Variants in TPST1 observed in about 807,000 individuals in gnomAD.
TPST1 encodes protein-tyrosine sulfotransferase 1.
In TPST1, 20 loss-of-function variants were observed where a neutral mutation model predicts 34.8. The ratio of observed to expected loss-of-function variants is 0.57; its 90% CI spans 0.40 to 0.84. The LOEUF (loss-of-function observed/expected upper bound fraction) is 0.84. TPST1 is among the 40% of genes least tolerant of loss of function. The pLI is 0.00. For synonymous variants in TPST1, 152 were observed against 159.4 expected, an observed-to-expected ratio of 0.95 and a Z score of 0.35; for missense variants, 353 against 455.5, an observed-to-expected ratio of 0.78 and a Z score of 2.05.
chr7:66,199,294 C>CTTTTTT, the TPST1 span, among the ~76,000 whole-genome samples: 23 of 125,850 alleles, frequency 1.8e-4, no homozygotes, highest in Non-Finnish European at 1.9e-4. Flanking sequence ...TCATCTCCTT[C>CTTTTTT]TTTTTTTTTT....
intron 1 of TPST1, among the ~76,000 whole-genome samples, chr7:66,237,838 C>A (rs989691258): frequency 2.6e-5 from 4 of 152,126 alleles, no homozygotes; most frequent in Non-Finnish European, 4.4e-5. Context: ...GTTGATGTTG[C>A]AGTCTTGTTC....
chr7:66,328,497 G>A (rs1350826259), intron 3 of TPST1, among the ~76,000 whole-genome samples: 2 of 151,992 alleles, frequency 1.3e-5, no homozygotes, highest in Non-Finnish European at 2.9e-5. Flanking sequence ...AGAATAGGTT[G>A]CTAACCTCTG....
chr7:66,213,941 C>T (rs893002494), intron 1 of TPST1, among the ~76,000 whole-genome samples: 1 of 152,070 alleles, frequency 6.6e-6, no homozygotes, highest in Admixed American at 6.6e-5. Context: ...CATATTTAAA[C>T]TTTATGTTTT....
intron 3 of TPST1, among the ~76,000 whole-genome samples, chr7:66,306,762 G>A (rs1791431247): frequency 6.6e-6 from 1 of 152,130 alleles, no homozygotes; most frequent in Non-Finnish European, 1.5e-5. Flanking sequence ...GCCCAGGCTG[G>A]AGTGCAGTGG....
intron 3 of TPST1, among the ~76,000 whole-genome samples, chr7:66,334,511 C>T: frequency 6.6e-6 from 1 of 151,750 alleles, no homozygotes; most frequent in Non-Finnish European, 1.5e-5. Context: ...TGGTGGGTGC[C>T]TGTAATCCCA....
intron 1 of TPST1, among the ~76,000 whole-genome samples, chr7:66,231,882 G>A (rs1789804820): frequency 6.6e-6 from 1 of 152,264 alleles, no homozygotes; most frequent in South Asian, 2.1e-4. Context: ...TGTGAGGACT[G>A]CCAGCACGCT....
chr7:66,349,345 C>T (rs563176811), intron 3 of TPST1, among the ~76,000 whole-genome samples: 3 of 152,092 alleles, frequency 2.0e-5, no homozygotes, highest in South Asian at 2.1e-4. Context: ...CCGAGGCAGG[C>T]GGATCACCTG....
chr7:66,209,172 C>T (rs1214212609), intron 1 of TPST1, among the ~76,000 whole-genome samples: 1 of 152,080 alleles, frequency 6.6e-6, no homozygotes, highest in African/African-American at 2.4e-5. Flanking sequence ...ACTCAGGAGG[C>T]TGAGGCAGGA....
In TPST1 at chr7:66,339,776, A is replaced by C. The variant is rs371328101; in HGVS notation, c.1045-12729A>C. 3.4e-4 allele frequency among the ~76,000 whole-genome samples: 51 copies of C among 148,896 alleles called. No individual in the cohort carries two copies. In the East Asian group the frequency reaches 4.7e-3, roughly 14 times the overall value. On this transcript the variant is annotated intron_variant, in intron 3 of 5. Transcript: ENST00000304842. ...GAGTGATGAAATAATCTGTACACCA[A>C]GCCTCTGTGACACACAGTTTACCCA...
intron 3 of TPST1, among the ~76,000 whole-genome samples, chr7:66,303,391 G>GTGTATGTATGTATGTATGTATGTATATA (rs6150141): frequency 6.7e-6 from 1 of 150,048 alleles, no homozygotes; most frequent in Non-Finnish European, 1.5e-5. Context: ...ACAGCTGTGT[G>GTGTATGTATGTATGTATGTATGTATATA]TGTATGTATG....
At chr7:66,232,919 A>G (rs1203620017) in intron 1 of TPST1, among the ~76,000 whole-genome samples, 1 of 152,172 alleles carries the variant, frequency 6.6e-6, no homozygotes, top group Non-Finnish European at 1.5e-5. Context: ...GTCAAGTGGT[A>G]TCTCATTGTG....
intron 2 of TPST1, among the ~76,000 whole-genome samples, chr7:66,275,509 C>T (rs184884720): frequency 1.0e-3 from 158 of 152,206 alleles, no homozygotes; most frequent in African/African-American, 3.5e-3. Context: ...AAAGAAAATG[C>T]GGCATACATA....
At chr7:66,280,228 G>A (rs1790905672) in intron 2 of TPST1, among the ~76,000 whole-genome samples, 1 of 152,204 alleles carries the variant, frequency 6.6e-6, no homozygotes, top group Non-Finnish European at 1.5e-5. Flanking sequence ...TCGCACAGTG[G>A]ACGTGGAAGC....
In TPST1 at chr7:66,329,877, G is replaced by C. The variant is rs1791962504; in HGVS notation, c.1045-22628G>C. On this transcript the variant is annotated intron_variant, in intron 3 of 5. Coordinates refer to ENST00000304842, the MANE Select transcript of TPST1 (RefSeq NM_003596.4). ...AACCAAGTACCTCATGTTCTCACTT[G>C]TAAGTGAGAGGTAAACACTGGGTAC... Among the ~76,000 whole-genome samples, 5 of 152,294 alleles carry C rather than the reference G, an allele frequency of 3.3e-5. No homozygotes were observed. In the South Asian group the frequency reaches 1.0e-3, roughly 32 times the overall value.
chr7:66,352,434 C>A (rs998562549), intron 3 of TPST1, 71 bp from the exon 4 acceptor site: 7 of 1,571,948 alleles, frequency 4.5e-6, no homozygotes, highest in Non-Finnish European at 5.1e-6. Context: ...CACGGTCAGG[C>A]ATGGCACATG....
intron 1 of TPST1, among the ~76,000 whole-genome samples, chr7:66,231,785 C>A (rs1789801505): frequency 6.6e-6 from 1 of 152,242 alleles, no homozygotes; most frequent in Admixed American, 6.5e-5. Flanking sequence ...AAAGGGGCTC[C>A]CACAGTGCAG....
chr7:66,234,414 C>CACACACACACACACACACAG (rs1554342893), intron 1 of TPST1, among the ~76,000 whole-genome samples: 2 of 150,744 alleles, frequency 1.3e-5, no homozygotes, highest in African/African-American at 2.4e-5. Context: ...CACACACACA[C>CACACACACACACACACACAG]ACACACACAC....
At chr7:66,286,282 C>A (rs932480971) in intron 2 of TPST1, among the ~76,000 whole-genome samples, 1 of 152,150 alleles carries the variant, frequency 6.6e-6, no homozygotes, top group Admixed American at 6.6e-5. Flanking sequence ...CATGTTTCAG[C>A]TAACCCTTTT....
intron 3 of TPST1, among the ~76,000 whole-genome samples, chr7:66,344,638 C>G (rs1792305278): frequency 6.6e-6 from 1 of 151,748 alleles, no homozygotes; most frequent in Non-Finnish European, 1.5e-5. Context: ...GTCTTGAACT[C>G]CTGACCTCGT....
Sources: gnomAD v4.1 joint callset for allele counts (sites outside exome capture counted in the v4.1 genomes callset) on GRCh38, gnomAD v4.1.1 for gene constraint, MANE v1.5 for transcripts, NCBI Gene and HGNC (gene_info 2026-07-23, HGNC 2026-07-21) for gene names.